Variants in HCN1 observed in about 807,000 individuals in gnomAD.
The protein encoded by HCN1 is hyperpolarization activated cyclic nucleotide gated potassium channel 1, also known as potassium/sodium hyperpolarization-activated cyclic nucleotide-gated channel 1.
HCN1 carries 13 observed loss-of-function variants against 78.9 expected under a neutral mutation model. The observed-to-expected ratio is 0.16, with a 90% CI of 0.11 to 0.26. HCN1 has a LOEUF of 0.26. HCN1 is among the 10% of genes least tolerant of loss of function. HCN1 has a pLI of 1.00. For synonymous variants in HCN1, 552 were observed against 455.5 expected (o/e 1.21, Z -2.70); for missense variants, 810 against 1,154.3 (o/e 0.70, Z 4.32).
chr5:45,346,225 A>G (rs758614820), intron 5 of HCN1, among the ~76,000 whole-genome samples: 6 of 152,248 alleles, frequency 3.9e-5, no homozygotes, highest in Non-Finnish European at 7.3e-5. Flanking sequence ...GCTACAGTTC[A>G]ACATGACAGG....
intron 1 of HCN1, among the ~76,000 whole-genome samples, chr5:45,647,269 T>C (rs1301345904): frequency 6.6e-6 from 1 of 152,132 alleles, no homozygotes; most frequent in South Asian, 2.1e-4. Context: ...CTTCTCACAA[T>C]GGAAATGCAA....
chr5:45,652,186 C>T (rs951207053), intron 1 of HCN1, among the ~76,000 whole-genome samples: 2 of 151,750 alleles, frequency 1.3e-5, no homozygotes, highest in African/African-American at 2.4e-5. Context: ...GTCTATTTCC[C>T]CCTTCTCCTG....
At chr5:45,397,814 TTTGA>T (rs1291187329) in intron 3 of HCN1, among the ~76,000 whole-genome samples, 1 of 151,720 alleles carries the variant, frequency 6.6e-6, no homozygotes, top group Non-Finnish European at 1.5e-5. Context: ...AATGTGATAT[TTTGA>T]TTGGTCATAA....
At chr5:45,281,880 G>A (rs546948752) in intron 6 of HCN1, among the ~76,000 whole-genome samples, 1 of 151,904 alleles carries the variant, frequency 6.6e-6, no homozygotes, top group African/African-American at 2.4e-5. Context: ...GTGAGCCACT[G>A]AGCCCTGCCA....
intron 5 of HCN1, among the ~76,000 whole-genome samples, chr5:45,347,766 T>C (rs1389889800): frequency 6.6e-6 from 1 of 151,712 alleles, no homozygotes; most frequent in Non-Finnish European, 1.5e-5. Context: ...AGGGTATCAG[T>C]GATGGAAGAT....
intron 5 of HCN1, among the ~76,000 whole-genome samples, chr5:45,347,973 T>C (rs1003380332): frequency 2.0e-5 from 3 of 152,112 alleles, no homozygotes; most frequent in Non-Finnish European, 2.9e-5. Flanking sequence ...TTCCCCAATC[T>C]AGCAAAGCAG....
rs377075886 is a variant in HCN1, at chr5:45,673,567, T to C, written c.425+22102A>G. Among the ~76,000 whole-genome samples the C allele has an allele frequency of 1.1e-4, 16 of 151,728 alleles. 1 individual carries two copies. Among genetic ancestry groups the C allele is most frequent in the African/African-American group, 3.6e-4 (15 of 41,492 alleles). ...TCAGTTGTTCAATTTGTTCCATCTT[T>C]GGCCACTAGAAGCTCTTTAGATTAT... On this transcript the variant is annotated intron_variant, in intron 1 of 7. Coordinates refer to ENST00000303230, the MANE Select transcript of HCN1 (RefSeq NM_021072.4).
At chr5:45,433,955 A>T (rs1740514237) in intron 3 of HCN1, among the ~76,000 whole-genome samples, 1 of 152,290 alleles carries the variant, frequency 6.6e-6, no homozygotes, top group African/African-American at 2.4e-5. Context: ...TTATCCTTAA[A>T]CTTAACTAAT....
chr5:45,426,152 A>G (rs550628715), intron 3 of HCN1, among the ~76,000 whole-genome samples: 1 of 152,328 alleles, frequency 6.6e-6, no homozygotes, highest in South Asian at 2.1e-4. Context: ...GTTGAAATCA[A>G]GTATGATGAA....
At chr5:45,315,172 C>G (rs1745954821) in intron 5 of HCN1, among the ~76,000 whole-genome samples, 2 of 152,196 alleles carry the variant, frequency 1.3e-5, no homozygotes, top group Admixed American at 1.3e-4. Flanking sequence ...AAGTAAAGCT[C>G]TCCTCAGCAA....
chr5:45,470,457 AC>A (rs1466913956), intron 2 of HCN1, among the ~76,000 whole-genome samples: 2 of 151,906 alleles, frequency 1.3e-5, no homozygotes, highest in Non-Finnish European at 2.9e-5. Flanking sequence ...ATTTGCTAGC[AC>A]CCCAAGAAAC....
chr5:45,460,926 A>G (rs1741141554), intron 3 of HCN1, among the ~76,000 whole-genome samples: 1 of 152,042 alleles, frequency 6.6e-6, no homozygotes, highest in Non-Finnish European at 1.5e-5. Flanking sequence ...AAAAGACAGT[A>G]TTTGATTTAT....
At chr5:45,433,291 G>A (rs1038685914) in intron 3 of HCN1, among the ~76,000 whole-genome samples, 2 of 151,912 alleles carry the variant, frequency 1.3e-5, no homozygotes, top group Non-Finnish European at 2.9e-5. Flanking sequence ...AAAACTTTTT[G>A]TATCTCTGTT....
chr5:45,669,275 T>C (rs529645583), intron 1 of HCN1, among the ~76,000 whole-genome samples: 1 of 151,848 alleles, frequency 6.6e-6, no homozygotes, highest in Admixed American at 6.6e-5. Context: ...ATTAGTAAGA[T>C]ATGGAATTGC....
chr5:45,664,744 C>T (rs1211284966), intron 1 of HCN1, among the ~76,000 whole-genome samples: 25 of 148,812 alleles, frequency 1.7e-4, no homozygotes, highest in Non-Finnish European at 3.4e-4. Context: ...CAAAACCACA[C>T]TGAGATACCA....
At chr5:45,578,646 A>G (rs1743995676) in intron 2 of HCN1, among the ~76,000 whole-genome samples, 1 of 152,036 alleles carries the variant, frequency 6.6e-6, no homozygotes, top group Admixed American at 6.6e-5. Flanking sequence ...TAAGTGCTTT[A>G]CATTTACTAA....
At chr5:45,353,062 G>A (rs768164956) in intron 5 of HCN1, 38 bp downstream of exon 5, 1 of 1,524,332 alleles carries the variant, frequency 6.6e-7, no homozygotes, top group South Asian at 1.1e-5. Flanking sequence ...AATAAACAAT[G>A]ATTATGTATT....
chr5:45,572,572 C>A (rs1321139412), intron 2 of HCN1, among the ~76,000 whole-genome samples: 1 of 152,124 alleles, frequency 6.6e-6, no homozygotes, highest in Admixed American at 6.6e-5. Flanking sequence ...TTAGCCTGGT[C>A]TATAGCCAAG....
At chr5:45,572,075 T>C (rs974312338) in intron 2 of HCN1, among the ~76,000 whole-genome samples, 19 of 152,196 alleles carry the variant, frequency 1.2e-4, no homozygotes, top group Non-Finnish European at 2.9e-5. Context: ...AGCAGTGATT[T>C]ATCTTCCACT....
Sources: gnomAD v4.1 joint callset for allele counts (sites outside exome capture counted in the v4.1 genomes callset) on GRCh38, gnomAD v4.1.1 for gene constraint, MANE v1.5 for transcripts, NCBI Gene and HGNC (gene_info 2026-07-23, HGNC 2026-07-21) for gene names.